The following FSIP2 variants were observed in gnomAD, a reference collection of about 807,000 sequenced individuals.
The protein encoded by FSIP2 is fibrous sheath-interacting protein 2.
FSIP2 carries 367 observed loss-of-function variants against 510.5 expected under a neutral mutation model. The observed-to-expected ratio is 0.72, with a 90% CI of 0.66 to 0.78. The LOEUF (loss-of-function observed/expected upper bound fraction) is 0.78. FSIP2 is among the 30% of genes least tolerant of loss of function. The pLI, the probability that FSIP2 is intolerant of heterozygous loss-of-function variation, is 0.00. For missense variants in FSIP2, 7,594 were observed against 7,901.7 expected, an observed-to-expected ratio of 0.96 and a Z score of 1.48; for synonymous variants, 2,601 against 2,732.2, an observed-to-expected ratio of 0.95 and a Z score of 1.50.
rs1238444648 is a variant in FSIP2, at chr2:185,793,319, C to T, written c.6183C>T (p.Asp2061=). 8 of 1,534,008 alleles carry T rather than the reference C, an allele frequency of 5.2e-6. No homozygotes were observed. Among genetic ancestry groups the T allele is most frequent in the Non-Finnish European group, 7.0e-6 (8 of 1,145,622 alleles). Reference sequence around the variant, plus strand: ...GCAAATGTGACAAAAACAGTTCTGACAAAGAGATCGATTTAGATCAGCAAA... The same window carrying T: ...GCAAATGTGACAAAAACAGTTCTGATAAAGAGATCGATTTAGATCAGCAAA... ...RKGKCDKNSS[D]KEIDLDQQKG... Residue 2061 remains aspartate (D), a synonymous_variant, in exon 16 of 23, where the codon GAC becomes GAT. Coordinates refer to ENST00000424728, the MANE Select transcript of FSIP2 (RefSeq NM_173651.4).
At position 185,743,301 on chromosome 2, in the gene FSIP2, T is replaced by G; in HGVS notation, c.387+7T>G. ...CATCACCAGCAATAATAAAGTGGGT[T>G]GAAAATTACTTCTTTTTTTAATCAA... is the stretch of plus-strand genomic sequence containing the variant. On this transcript the variant is annotated splice_region_variant and intron_variant, in intron 3 of 22. Coordinates refer to ENST00000424728, the MANE Select transcript of FSIP2 (RefSeq NM_173651.4). 6.8e-7 allele frequency: 1 copy of G among 1,471,914 alleles called. No homozygotes were observed. The highest frequency in any genetic ancestry group is 1.4e-5 in the African/African-American group (1 of 69,386). The allele number at this position is 1,471,914 out of a possible 1,614,324, so 91.2% of individuals were successfully genotyped here. A position where few individuals can be genotyped will look rare whatever the true frequency, so the allele number is the denominator to read the frequency against.
chr2:185,751,587 C>A (rs143081474), intron 7 of FSIP2, among the ~76,000 whole-genome samples: 1 of 149,726 alleles, frequency 6.7e-6, no homozygotes, highest in Non-Finnish European at 1.5e-5. Context: ...ACATTTAGTG[C>A]GATTATTAAC....
In FSIP2 at chr2:185,790,673, T is replaced by A. The variant is rs1327449961; in HGVS notation, c.3537T>A (p.His1179Gln). 4.6e-6 allele frequency: 7 copies of A among 1,533,892 alleles called. No homozygotes were observed. Among genetic ancestry groups the A allele is most frequent in the South Asian group, 1.2e-5 (1 of 84,028 alleles). Residue 1179 changes from histidine (H) to glutamine (Q), a missense_variant, in exon 16 of 23, where the codon CAT becomes CAA. Coordinates refer to ENST00000424728, the MANE Select transcript of FSIP2 (RefSeq NM_173651.4). ...CAGATTCTGTGTTAAACATACTTCATAAGGCATCAAACTACATTTCCAATA... is the reference window on the plus strand; with the variant it reads ...CAGATTCTGTGTTAAACATACTTCAAAAGGCATCAAACTACATTTCCAATA... The part of the protein sequence containing the change: ...EITDSVLNIL[H>Q]KASNYISNTT...
intron 13 of FSIP2, among the ~76,000 whole-genome samples, chr2:185,775,213 TC>T (rs1169696773): frequency 2.0e-5 from 3 of 147,586 alleles, no homozygotes; most frequent in East Asian, 4.1e-4. Context: ...GTAAAAGCGT[TC>T]CTATTTCTCC....
intron 12 of FSIP2, 149 bp from the exon 13 acceptor site, chr2:185,764,352 TA>T: frequency 1.9e-6 from 1 of 528,112 alleles, no homozygotes. Context: ...ATAAACATAA[TA>T]AAAACGTGCA....
chr2:185,811,293 A>C lies in FSIP2; in HGVS notation c.19827+2160A>C, dbSNP rs1693723314. Among the ~76,000 whole-genome samples the C allele has an allele frequency of 2.6e-5, 4 of 151,696 alleles. No individual in the cohort carries two copies. The South Asian group carries it at 8.3e-4, about 32-fold the overall frequency. Reference sequence around the variant, plus strand: ...ACCAGTCTGGCCAACATGATCTCCAACTCCATCTCCACTAAAAATACAAAA... The same window carrying C: ...ACCAGTCTGGCCAACATGATCTCCACCTCCATCTCCACTAAAAATACAAAA... On this transcript the variant is annotated intron_variant, in intron 17 of 22. Transcript: ENST00000424728.
chr2:185,831,981 C>A, intron 22 of FSIP2, 99 bp downstream of exon 22: 2 of 723,564 alleles, frequency 2.8e-6, no homozygotes, highest in Admixed American at 2.1e-5. Flanking sequence ...ATGAGTGGCT[C>A]TCCCCTTGCA....
intron 16 of FSIP2, 75 bp from the exon 17 acceptor site, chr2:185,799,619 AAAT>A (rs1693375653): frequency 7.1e-6 from 5 of 700,546 alleles, no homozygotes; most frequent in Non-Finnish European, 1.0e-5. Context: ...ATATATATGT[AAAT>A]AATAATTTCA....
Position 185,790,888 on chromosome 2 carries a change from G to T in FSIP2, c.3752G>T (p.Ser1251Ile), listed in dbSNP as rs772195308. ...CCTCCCTGGTTAAAATCTGGAAAAA[G>T]TGAACCTAAACCTGTAGATGACATT... ...EKPPWLKSGKSEPKPVDDIND... is the reference protein window; with the variant it reads ...EKPPWLKSGKIEPKPVDDIND... Residue 1251 changes from serine (S) to isoleucine (I), a missense_variant, in exon 16 of 23, where the codon AGT becomes ATT. Physicochemically the swap from Ser to Ile is moderately radical, Grantham distance 142. Transcript: ENST00000424728. The T allele has an allele frequency of 4.4e-5, 67 of 1,531,764 alleles. 1 individual carries two copies. Among genetic ancestry groups the T allele is most frequent in the Middle Eastern group, 1.7e-4 (1 of 5,952 alleles). The allele number at this position is 1,531,764 out of a possible 1,614,324, so 94.9% of individuals were successfully genotyped here.
chr2:185,801,172 G>A lies in FSIP2; in HGVS notation c.11866G>A (p.Ala3956Thr). The A allele has an allele frequency of 6.5e-7, 1 of 1,533,774 alleles. No homozygotes were observed. The change falls in exon 17 of 23, where the codon GCC becomes ACC. Residue 3956 changes from alanine to threonine, a missense_variant. Physicochemically the swap from Ala to Thr is moderately conservative, Grantham distance 58. Transcript: ENST00000424728. ...RQRTKEMDKV[A>T]IHNKLHQEGI... ...GAGAACAAAGGAAATGGATAAGGTAGCCATTCATAATAAGCTACATCAGGA... is the reference window on the plus strand; with the variant it reads ...GAGAACAAAGGAAATGGATAAGGTAACCATTCATAATAAGCTACATCAGGA...
rs747887518 is a variant in FSIP2 at position 185,806,962 on chromosome 2, T to C, written c.17656T>C (p.Ser5886Pro). 2 of 1,611,136 alleles carry C rather than the reference T, an allele frequency of 1.2e-6. No homozygotes were observed. The highest frequency in any genetic ancestry group is 4.5e-5 in the East Asian group (2 of 44,774). Residue 5886 changes from serine to proline, a missense_variant, in exon 17 of 23, where the codon TCT becomes CCT. Coordinates refer to ENST00000424728, the MANE Select transcript of FSIP2 (RefSeq NM_173651.4). ...AGCACCATCCAGCATTAAGATAAAA[T>C]CTGCAGATAAAATGCCACCTATGCA... ...DEAPSSIKIK[S>P]ADKMPPMHKM...
chr2:185,794,744 C>G lies in FSIP2; in HGVS notation c.7608C>G (p.Asn2536Lys), dbSNP rs777675930. The change falls in exon 16 of 23, where the codon AAC becomes AAG. Residue 2536 changes from asparagine (N) to lysine (K), a missense_variant. Physicochemically the swap from Asn to Lys is moderately conservative, Grantham distance 94 (BLOSUM62 0). Coordinates refer to ENST00000424728, the MANE Select transcript of FSIP2 (RefSeq NM_173651.4). ...TQKNSFQSHI[N>K]SVANDIVESV... ...AAAACAGTTTTCAATCACATATTAA[C>G]AGTGTAGCAAATGACATAGTTGAAA... The G allele has an allele frequency of 6.5e-7, 1 of 1,533,884 alleles. No homozygotes were observed.
At chr2:185,823,602 T>C (rs1481822026) in intron 19 of FSIP2, among the ~76,000 whole-genome samples, 1 of 151,542 alleles carries the variant, frequency 6.6e-6, no homozygotes, top group African/African-American at 2.4e-5. Context: ...CAAGTACTGG[T>C]AGGGATGTCA....
chr2:185,831,892 G>T lies in FSIP2; in HGVS notation c.20587+10G>T, dbSNP rs188381603. ...AAGGAAGTCATTTCAGGTACAAAAT[G>T]TACTATTTTAACAACTGGTGTAATT... On this transcript the variant is annotated intron_variant, in intron 22 of 22. Transcript: ENST00000424728. 3.2e-6 allele frequency: 5 copies of T among 1,540,176 alleles called. No individual in the cohort carries two copies. In the East Asian group the frequency reaches 9.0e-5, roughly 28 times the overall value.
rs1471895731 is a variant in FSIP2 at position 185,793,975 on chromosome 2, AAGAAAAGTCATTTGTTATCCC to A, written c.6844_6864del (p.Lys2282_Glu2288del). 6.5e-7 allele frequency: 1 copy of A among 1,531,398 alleles called. No homozygotes were observed. Among genetic ancestry groups the A allele is most frequent in the African/African-American group, 1.4e-5 (1 of 72,758 alleles). 94.9% of individuals were successfully genotyped at this position (1,531,398 alleles called of 1,614,324 possible). A position where few individuals can be genotyped will look rare whatever the true frequency, so the allele number is the denominator to read the frequency against. On this transcript the variant is annotated inframe_deletion, in exon 16 of 23. Transcript: ENST00000424728. ...TTAATTACCCTTGCTTTCCAAAGTA[AAGAAAAGTCATTTGTTATCCC>A]AGAATTGGAAAATTGTAAACAAAAT...
At chr2:185,775,965 G>A (rs957487228) in intron 13 of FSIP2, among the ~76,000 whole-genome samples, 9 of 152,230 alleles carry the variant, frequency 5.9e-5, no homozygotes, top group African/African-American at 2.2e-4. Flanking sequence ...ACCTGGCCAG[G>A]TTTTTATTTA....
chr2:185,809,634 T>C (rs1251196093), intron 17 of FSIP2, among the ~76,000 whole-genome samples: 3 of 152,040 alleles, frequency 2.0e-5, no homozygotes, highest in Admixed American at 6.6e-5. Context: ...TCAGCAAACG[T>C]TGGACTGCCA....
In FSIP2 at chr2:185,794,684, TA is replaced by T; in HGVS notation, c.7550del (p.Asn2517IlefsTer22). On this transcript the variant is annotated frameshift_variant, in exon 16 of 23. Coordinates refer to ENST00000424728, the MANE Select transcript of FSIP2 (RefSeq NM_173651.4). LOFTEE classifies it high-confidence loss of function. The stretch of plus-strand genomic sequence containing the variant: ...TTAATGAAACTGCCAACTTTATATC[TA>T]ATTCTAAGATTAAAACATCAGACAC... ...PLNETANFISNSKIKTSDTTQ... is the reference protein window; with the variant it reads ...PLNETANFISXSKIKTSDTTQ... The T allele has an allele frequency of 6.5e-7, 1 of 1,533,894 alleles. No individual in the cohort carries two copies. The highest frequency in any genetic ancestry group is 8.7e-7 in the Non-Finnish European group (1 of 1,145,588).
chr2:185,751,681 T>G (rs997234774), intron 7 of FSIP2, among the ~76,000 whole-genome samples: 9 of 151,606 alleles, frequency 5.9e-5, no homozygotes, highest in African/African-American at 2.2e-4. Flanking sequence ...CTTTTTCTTT[T>G]GATTTTTAAT....
Sources: allele counts gnomAD v4.1 joint callset (sites outside exome capture counted in the v4.1 genomes callset), GRCh38; gene constraint gnomAD v4.1.1; transcripts MANE v1.5; gene names NCBI Gene and HGNC (gene_info 2026-07-23, HGNC 2026-07-21).